SLC25A41: variants seen among roughly 807,000 people sequenced by gnomAD.
SLC25A41 encodes the protein mitochondrial carrier protein SCaMC-3L.
SLC25A41 carries 35 observed loss-of-function variants against 34.7 expected under a neutral mutation model. The observed-to-expected ratio is 1.01, with a 90% CI of 0.77 to 1.34. The LOEUF (loss-of-function observed/expected upper bound fraction) is 1.34. Ranked by LOEUF, SLC25A41 falls within the 40% of genes most tolerant of loss-of-function variation. The pLI is 0.00. For missense variants in SLC25A41, 492 were observed against 489.8 expected (o/e 1.00, Z -0.04); for synonymous variants, 190 against 209.9 (o/e 0.91, Z 0.82).
chr19:6,429,035 AT>A (rs2092258429), intron 4 of SLC25A41, among the ~76,000 whole-genome samples: 2 of 42,380 alleles, frequency 4.7e-5, no homozygotes, highest in Non-Finnish European at 6.9e-5. Flanking sequence ...ATATATATAT[AT>A]ATAATATATA....
At chr19:6,429,141 T>TG (rs2092265811) in intron 4 of SLC25A41, among the ~76,000 whole-genome samples, 1 of 58,118 alleles carries the variant, frequency 1.7e-5, no homozygotes, top group Non-Finnish European at 2.7e-5. Context: ...TATATATATA[T>TG]ATAATATATA....
In SLC25A41 at chr19:6,427,573, C is replaced by T; in HGVS notation, c.625-72G>A. On this transcript the variant is annotated intron_variant, in intron 4 of 6. Coordinates refer to ENST00000321510, the MANE Select transcript of SLC25A41 (RefSeq NM_173637.4). This position sits in a 1 kb window ranked among gnomAD's most constrained non-coding sequence, Gnocchi z 4.9. The stretch of plus-strand genomic sequence containing the variant: ...AATGACCCTCGGGGTAGCCATTGTC[C>T]CCACCCTACAAACAAGGAAAATGAG... 7.1e-7 allele frequency: 1 copy of T among 1,405,570 alleles called. No individual in the cohort carries two copies. Among genetic ancestry groups the T allele is most frequent in the Non-Finnish European group, 9.3e-7 (1 of 1,070,418 alleles). 87.1% of individuals were successfully genotyped at this position (1,405,570 alleles called of 1,614,324 possible). A position where few individuals can be genotyped will look rare whatever the true frequency, so the allele number is the denominator to read the frequency against.
chr19:6,427,377 A>C lies in SLC25A41; in HGVS notation c.749T>G (p.Leu250Arg). The C allele has an allele frequency of 1.2e-6, 2 of 1,611,818 alleles. No homozygotes were observed. Among genetic ancestry groups the C allele is most frequent in the Non-Finnish European group, 1.7e-6 (2 of 1,178,996 alleles). Residue 250 changes from leucine (L) to arginine (R), a missense_variant, in exon 5 of 7, where the codon CTC (leucine) becomes CGC (arginine). By Grantham distance (102) the Leu-to-Arg change is moderately radical. Coordinates refer to ENST00000321510, the MANE Select transcript of SLC25A41 (RefSeq NM_173637.4). This position sits in a 1 kb window ranked among gnomAD's most constrained non-coding sequence, Gnocchi z 4.9. Reference protein sequence around the residue: ...ALYRGYLPNMLGIIPYACTDL... With the variant: ...ALYRGYLPNMRGIIPYACTDL... The stretch of plus-strand genomic sequence containing the variant: ...GGTGCAGGCATAGGGGATGATGCCG[A>C]GCATATTGGGCAGGTAGCCGCGGTA...
intron 2 of SLC25A41, 82 bp downstream of exon 2, chr19:6,431,967 C>T (rs917595301): frequency 9.9e-6 from 15 of 1,512,218 alleles, no homozygotes; most frequent in African/African-American, 8.3e-5. Flanking sequence ...ACTCCATCCA[C>T]GTCAACTCCA....
rs940851886 is a variant in SLC25A41, at chr19:6,426,039, C to T, written c.*350G>A. The T allele has an allele frequency of 9.0e-6, 2 of 223,298 alleles. No homozygotes were observed. The highest frequency in any genetic ancestry group is 4.9e-5 in the Admixed American group (1 of 20,344). The allele number at this position is 223,298 out of a possible 1,614,324, so 13.8% of individuals were successfully genotyped here. A position where few individuals can be genotyped will look rare whatever the true frequency, so the allele number is the denominator to read the frequency against. ...CTAGGCCCAAGTATCCAGACACGTTCAGCAAAAACCATCTCTTTATTCCTT... is the reference window on the plus strand; with the variant it reads ...CTAGGCCCAAGTATCCAGACACGTTTAGCAAAAACCATCTCTTTATTCCTT... On this transcript the variant is annotated 3_prime_UTR_variant, in exon 7 of 7. Transcript: ENST00000321510.
intron 2 of SLC25A41, chr19:6,430,435 T>G: frequency 1.9e-6 from 1 of 536,272 alleles, no homozygotes; most frequent in Non-Finnish European, 3.3e-6. Flanking sequence ...CATCCTTTCC[T>G]TTCTTTCTCC....
At position 6,427,440 on chromosome 19, in the gene SLC25A41, G is replaced by T. The variant is rs2092248651; in HGVS notation, c.686C>A (p.Ala229Asp). Residue 229 changes from alanine (A) to aspartate (D), a missense_variant, in exon 5 of 7, where the codon GCC becomes GAC. Ala to Asp is a moderately radical substitution (Grantham distance 126). Coordinates refer to ENST00000321510, the MANE Select transcript of SLC25A41 (RefSeq NM_173637.4). The surrounding 1 kb of genome is among the most constrained non-coding windows in gnomAD (Gnocchi z 4.9). ...GCCCTCTCGCTGCAAGATCTGCCTG[G>T]CGCAGTCCAGCAGCCCCTTGTACTG... ...TGQYKGLLDCARQILQREGTR... is the reference protein window; with the variant it reads ...TGQYKGLLDCDRQILQREGTR... The T allele has an allele frequency of 6.2e-7, 1 of 1,605,518 alleles. No homozygotes were observed. The highest frequency in any genetic ancestry group is 1.3e-5 in the African/African-American group (1 of 74,810).
At position 6,432,613 on chromosome 19, in the gene SLC25A41, C is replaced by A. The variant is rs1018961752; in HGVS notation, c.208-409G>T. On this transcript the variant is annotated intron_variant, in intron 1 of 6. Transcript: ENST00000321510. ...TGTTTTGTTTTTGTTTTTTTTTAGA[C>A]AGAGTCTCACTCTATCGCCCAAGCT... 8.2e-5 allele frequency among the ~76,000 whole-genome samples: 12 copies of A among 146,448 alleles called. No individual in the cohort carries two copies. The East Asian group carries it at 1.5e-3, about 18-fold the overall frequency.
intron 1 of SLC25A41, 27 bp from the exon 2 acceptor site, chr19:6,432,231 A>C: frequency 6.2e-7 from 1 of 1,602,368 alleles, no homozygotes; most frequent in Admixed American, 1.7e-5. Flanking sequence ...GCCCTCCCTC[A>C]TCCTCAGCCA....
Position 6,433,596 on chromosome 19 carries a change from G to C in SLC25A41, c.98C>G (p.Pro33Arg), listed in dbSNP as rs545848852. 3.7e-6 allele frequency: 6 copies of C among 1,611,356 alleles called. No homozygotes were observed. The highest frequency in any genetic ancestry group is 1.3e-5 in the African/African-American group (1 of 74,970). ...KTLLIKAPPP[P>R]QPPPPPPSWN... ...GGATGGGGGTGGAGGCGGAGGTTGG[G>C]GGGGAGGCGGGGCTTTGATGAGTAA... The change falls in exon 1 of 7, where the codon CCC becomes CGC. Residue 33 changes from proline to arginine, a missense_variant. Physicochemically the swap from Pro to Arg is moderately radical, Grantham distance 103. Coordinates refer to ENST00000321510, the MANE Select transcript of SLC25A41 (RefSeq NM_173637.4).
rs1005133798 is a variant in SLC25A41 at position 6,430,812 on chromosome 19, TTTTG to T, written c.364-655_364-652del. 1.3e-3 allele frequency among the ~76,000 whole-genome samples: 196 copies of T among 152,078 alleles called. 1 individual carries two copies. Among genetic ancestry groups the T allele is most frequent in the African/African-American group, 4.6e-3 (189 of 41,494 alleles). ...CTTCTTTTCCTTTTCTTTCTTGTTTTTTTGTTTGTTTATGTTTTCGAGACAGGAT... is the reference window on the plus strand; with the variant it reads ...CTTCTTTTCCTTTTCTTTCTTGTTTTTTTGTTTATGTTTTCGAGACAGGAT... On this transcript the variant is annotated intron_variant, in intron 2 of 6. Coordinates refer to ENST00000321510, the MANE Select transcript of SLC25A41 (RefSeq NM_173637.4).
intron 1 of SLC25A41, 107 bp from the exon 2 acceptor site, chr19:6,432,311 A>C: frequency 7.9e-7 from 1 of 1,262,004 alleles, no homozygotes; most frequent in Non-Finnish European, 1.1e-6. Context: ...TGTTCCCCCA[A>C]GTCTGCATTT....
In SLC25A41 at chr19:6,429,833, TG is replaced by T; in HGVS notation, c.517-3del. On this transcript the variant is annotated splice_region_variant and splice_polypyrimidine_tract_variant and intron_variant, in intron 3 of 6. Coordinates refer to ENST00000321510, the MANE Select transcript of SLC25A41 (RefSeq NM_173637.4). ...TATTCCACAGAAGTAATTCTTGCACTGGGAGAGGAGAGAGGAGGGTGAGAGA... is the reference window on the plus strand; with the variant it reads ...TATTCCACAGAAGTAATTCTTGCACTGGAGAGGAGAGAGGAGGGTGAGAGA... 5.6e-6 allele frequency: 9 copies of T among 1,609,880 alleles called. No homozygotes were observed. Among genetic ancestry groups the T allele is most frequent in the Non-Finnish European group, 7.6e-6 (9 of 1,178,394 alleles).
chr19:6,431,984 C>A, intron 2 of SLC25A41, 65 bp downstream of exon 2: 1 of 1,555,918 alleles, frequency 6.4e-7, no homozygotes, highest in Admixed American at 1.8e-5. Context: ...TCCATCTGTC[C>A]TCACCCCACG....
upstream of SLC25A41, among the ~76,000 whole-genome samples, chr19:6,434,651 G>A (rs542746151): frequency 4.5e-4 from 68 of 152,312 alleles, no homozygotes; most frequent in African/African-American, 1.6e-3. Flanking sequence ...GCTGACGCCT[G>A]TAATCCCAGC....
Position 6,427,616 on chromosome 19 carries a change from G to T in SLC25A41, c.625-115C>A, listed in dbSNP as rs1006900663. 8.1e-7 allele frequency: 1 copy of T among 1,236,656 alleles called. No homozygotes were observed. The highest frequency in any genetic ancestry group is 1.1e-6 in the Non-Finnish European group (1 of 930,964). 76.6% of individuals were successfully genotyped at this position (1,236,656 alleles called of 1,614,324 possible). A position where few individuals can be genotyped will look rare whatever the true frequency, so the allele number is the denominator to read the frequency against. ...AAAATGAGGCTCAGGAAGGCAAAGA[G>T]CTGGGTTTCAGACCCGGATCTGTCA... On this transcript the variant is annotated intron_variant, in intron 4 of 6. Coordinates refer to ENST00000321510, the MANE Select transcript of SLC25A41 (RefSeq NM_173637.4). The surrounding 1 kb of genome is among the most constrained non-coding windows in gnomAD (Gnocchi z 4.9).
Position 6,427,023 on chromosome 19 carries a change from T to G in SLC25A41, c.940+80A>C. The G allele has an allele frequency of 6.7e-7, 1 of 1,483,034 alleles. No homozygotes were observed. 91.9% of individuals were successfully genotyped at this position (1,483,034 alleles called of 1,614,324 possible). On this transcript the variant is annotated intron_variant, in intron 6 of 6. Coordinates refer to ENST00000321510, the MANE Select transcript of SLC25A41 (RefSeq NM_173637.4). The surrounding 1 kb of genome is among the most constrained non-coding windows in gnomAD (Gnocchi z 4.9). Reference sequence around the variant, plus strand: ...CAGACACGGAGGGTGCCGGACTCAGTTTTGGGGTATGAGAAAATTGAGACA... The same window carrying G: ...CAGACACGGAGGGTGCCGGACTCAGGTTTGGGGTATGAGAAAATTGAGACA...
Position 6,427,488 on chromosome 19 carries a change from C to T in SLC25A41, c.638G>A (p.Arg213Gln), listed in dbSNP as rs373837612. The change falls in exon 5 of 7, where the codon CGG becomes CAG. Residue 213 changes from arginine (R) to glutamine (Q), a missense_variant. Physicochemically the swap from Arg to Gln is conservative, Grantham distance 43. Coordinates refer to ENST00000321510, the MANE Select transcript of SLC25A41 (RefSeq NM_173637.4). This position sits in a 1 kb window ranked among gnomAD's most constrained non-coding sequence, Gnocchi z 4.9. ...LINPMEVLKTRLTLRRTGQYK... is the reference protein window; with the variant it reads ...LINPMEVLKTQLTLRRTGQYK... ...CTGGCCCGTCCGACGCAAGGTCAAC[C>T]GCGTCTTCAGCACCTGAGGATGGCG... is the stretch of plus-strand genomic sequence containing the variant. The T allele has an allele frequency of 1.2e-5, 19 of 1,546,076 alleles. No homozygotes were observed. Among genetic ancestry groups the T allele is most frequent in the East Asian group, 4.6e-5 (2 of 43,296 alleles).
Position 6,433,526 on chromosome 19 carries a change from G to A in SLC25A41, c.168C>T (p.His56=), listed in dbSNP as rs2092295053. The part of the protein sequence containing the change: ...CTHVYGYAFG[H]MHDNNLEHLP... ...GATGTTCAAGGTTGTTGTCATGCAT[G>A]TGGCCAAACGCGTACCCATACACGT... Residue 56 remains histidine, a synonymous_variant, in exon 1 of 7, where the codon CAC becomes CAT. Coordinates refer to ENST00000321510, the MANE Select transcript of SLC25A41 (RefSeq NM_173637.4). The A allele has an allele frequency of 6.2e-7, 1 of 1,613,238 alleles. No individual in the cohort carries two copies. The highest frequency in any genetic ancestry group is 1.3e-5 in the African/African-American group (1 of 74,848).
Sources: allele counts gnomAD v4.1 joint callset (sites outside exome capture counted in the v4.1 genomes callset), GRCh38; gene constraint gnomAD v4.1.1; non-coding constraint Gnocchi (gnomAD v3.1); transcripts MANE v1.5; gene names NCBI Gene and HGNC (gene_info 2026-07-23, HGNC 2026-07-21).